CHSY3: variants seen among roughly 807,000 people sequenced by gnomAD.
CHSY3 encodes chondroitin sulfate synthase 3.
CHSY3 carries 35 observed loss-of-function variants against 67.2 expected under a neutral mutation model. The ratio of observed to expected loss-of-function variants is 0.52; its 90% confidence interval spans 0.40 to 0.69. The LOEUF is 0.69. Among genes scored for constraint, CHSY3 ranks in the 30% least tolerant of loss-of-function variants. The pLI, the probability that CHSY3 is intolerant of heterozygous loss-of-function variation, is 0.00. For synonymous variants in CHSY3, 474 were observed against 434.7 expected, an observed-to-expected ratio of 1.09 and a Z score of -1.12; for missense variants, 1,069 against 1,138.5, an observed-to-expected ratio of 0.94 and a Z score of 0.88.
At chr5:129,921,454 A>T (rs933953993) in intron 2 of CHSY3, among the ~76,000 whole-genome samples, 3 of 152,134 alleles carry the variant, frequency 2.0e-5, no homozygotes, top group African/African-American at 7.2e-5. Context: ...AGATTTTATC[A>T]CTCTATCAGA....
At chr5:130,010,838 T>C (rs1157959014) in intron 2 of CHSY3, among the ~76,000 whole-genome samples, 2 of 152,036 alleles carry the variant, frequency 1.3e-5, no homozygotes, top group East Asian at 3.9e-4. Flanking sequence ...TAGAGAGTAT[T>C]ATGAACAACT....
chr5:129,919,855 G>T (rs1760860159), intron 2 of CHSY3, among the ~76,000 whole-genome samples: 2 of 151,866 alleles, frequency 1.3e-5, no homozygotes, highest in African/African-American at 4.8e-5. Context: ...GTATGTATAA[G>T]GTAAAAAGTG....
intron 2 of CHSY3, among the ~76,000 whole-genome samples, chr5:130,175,939 C>T (rs1053149627): frequency 2.6e-5 from 4 of 152,004 alleles, no homozygotes; most frequent in Non-Finnish European, 2.9e-5. Context: ...GACATAGGCA[C>T]GGGCAAAGAC....
intron 2 of CHSY3, among the ~76,000 whole-genome samples, chr5:130,106,736 C>T (rs1767423584): frequency 6.6e-6 from 1 of 151,512 alleles, no homozygotes; most frequent in South Asian, 2.1e-4. Context: ...AATTTATAAT[C>T]TCAGCTGTCA....
intron 2 of CHSY3, chr5:130,140,595 G>A: frequency 2.2e-6 from 1 of 458,580 alleles, no homozygotes; most frequent in Non-Finnish European, 3.8e-6. Context: ...GGAGCTGAAA[G>A]AAACATGCTG....
At chr5:129,939,381 T>G (rs1368749657) in intron 2 of CHSY3, among the ~76,000 whole-genome samples, 2 of 152,200 alleles carry the variant, frequency 1.3e-5, no homozygotes, top group Non-Finnish European at 2.9e-5. Flanking sequence ...CTTTAAGTCA[T>G]AATGAAGATT....
chr5:130,025,043 A>G (rs1764501380), intron 2 of CHSY3, among the ~76,000 whole-genome samples: 1 of 152,140 alleles, frequency 6.6e-6, no homozygotes, highest in African/African-American at 2.4e-5. Flanking sequence ...TGGAAAATAG[A>G]AAGTTCTTCC....
intron 2 of CHSY3, among the ~76,000 whole-genome samples, chr5:129,981,247 A>G (rs934597497): frequency 4.8e-4 from 72 of 151,210 alleles, no homozygotes; most frequent in African/African-American, 1.7e-3. Context: ...TCAATCGACT[A>G]TATTTATGTG....
intron 2 of CHSY3, among the ~76,000 whole-genome samples, chr5:130,017,882 G>T (rs1039565085): frequency 6.6e-6 from 1 of 152,014 alleles, no homozygotes; most frequent in African/African-American, 2.4e-5. Flanking sequence ...TTTATATCTT[G>T]AGATGAGAAA....
At chr5:130,035,346 G>C (rs1764833613) in intron 2 of CHSY3, among the ~76,000 whole-genome samples, 1 of 152,084 alleles carries the variant, frequency 6.6e-6, no homozygotes, top group Non-Finnish European at 1.5e-5. Flanking sequence ...GAGGAATCCA[G>C]CCTGCCTTCA....
chr5:130,159,937 G>A (rs115781540), intron 2 of CHSY3, among the ~76,000 whole-genome samples: 2 of 152,138 alleles, frequency 1.3e-5, no homozygotes, highest in African/African-American at 4.8e-5. Context: ...CCTAATAGTA[G>A]CATTTTTTTT....
intron 2 of CHSY3, among the ~76,000 whole-genome samples, chr5:130,031,815 T>C (rs1764710620): frequency 6.6e-6 from 1 of 152,174 alleles, no homozygotes; most frequent in Non-Finnish European, 1.5e-5. Flanking sequence ...CAAATTGACA[T>C]TTGGGTAAAT....
chr5:130,056,681 G>A (rs925795233), intron 2 of CHSY3, among the ~76,000 whole-genome samples: 2 of 152,130 alleles, frequency 1.3e-5, no homozygotes, highest in African/African-American at 4.8e-5. Flanking sequence ...ACAGAGTAGT[G>A]TAGCTTAGTG....
chr5:129,906,116 A>G (rs1371788512), intron 1 of CHSY3, among the ~76,000 whole-genome samples: 1 of 152,012 alleles, frequency 6.6e-6, no homozygotes, highest in Non-Finnish European at 1.5e-5. Context: ...TTTTGTTTAA[A>G]CTGGATCTAG....
At chr5:129,985,455 TG>T (rs1763165596) in intron 2 of CHSY3, among the ~76,000 whole-genome samples, 1 of 152,108 alleles carries the variant, frequency 6.6e-6, no homozygotes, top group African/African-American at 2.4e-5. Context: ...AGTCAAGTAG[TG>T]TGATGCTTCA....
rs1343959624 is a variant in CHSY3, at chr5:130,000,776, CTACGT to C, written c.1086+92420_1086+92424del. Among the ~76,000 whole-genome samples the C allele has an allele frequency of 7.7e-5, 8 of 104,178 alleles. No individual in the cohort carries two copies. The Admixed American group carries it at 7.9e-4, about 10-fold the overall frequency. 68.3% of individuals were successfully genotyped at this position (104,178 alleles called of 152,430 possible). On this transcript the variant is annotated intron_variant, in intron 2 of 2. Coordinates refer to ENST00000305031, the MANE Select transcript of CHSY3 (RefSeq NM_175856.5). ...TTTTTTTTGTAGAGATGAAATCTTG[CTACGT>C]TACCCAGGCTGGTCTGAACTCCTGG...
chr5:130,038,364 C>T (rs1215604792), intron 2 of CHSY3, among the ~76,000 whole-genome samples: 1 of 151,838 alleles, frequency 6.6e-6, no homozygotes, highest in Non-Finnish European at 1.5e-5. Flanking sequence ...TCTTATTAAG[C>T]TCGAAAATAG....
chr5:130,032,264 C>T (rs1580667778), intron 2 of CHSY3, among the ~76,000 whole-genome samples: 1 of 152,072 alleles, frequency 6.6e-6, no homozygotes, highest in African/African-American at 2.4e-5. Context: ...TATCCTTGAA[C>T]AATAAGGGAA....
chr5:130,063,503 AT>A (rs1765777595), intron 2 of CHSY3, among the ~76,000 whole-genome samples: 1 of 152,014 alleles, frequency 6.6e-6, no homozygotes, highest in Admixed American at 6.6e-5. Context: ...CTAAATTTCC[AT>A]CTTCATTCCT....
Sources: allele counts gnomAD v4.1 joint callset (sites outside exome capture counted in the v4.1 genomes callset), GRCh38; gene constraint gnomAD v4.1.1; transcripts MANE v1.5; gene names NCBI Gene and HGNC (gene_info 2026-07-23, HGNC 2026-07-21).